The following CAV3 variants were observed in gnomAD, a reference collection of about 807,000 sequenced individuals.
The protein encoded by CAV3 is caveolin 3, also known as caveolin-3.
A neutral mutation model predicts 13.4 loss-of-function variants in CAV3; 10 were observed. That is an observed-to-expected ratio of 0.75 (90% CI 0.46 to 1.27). The LOEUF (loss-of-function observed/expected upper bound fraction) is 1.27, where lower values mean the gene tolerates loss of function less well. Ranked by LOEUF, CAV3 falls within the 50% of genes most tolerant of loss-of-function variation. The pLI, the probability that CAV3 is intolerant of heterozygous loss-of-function variation, is 0.00. For missense variants in CAV3, 162 were observed against 194.0 expected (o/e 0.83, Z 0.98); for synonymous variants, 90 against 79.0 (o/e 1.14, Z -0.74).
chr3:8,733,976 G>T lies in CAV3; in HGVS notation c.100G>T (p.Glu34Ter). ...LVNRDPKNIN[E>*]DIVKVDFEDV... is the part of the protein sequence containing the mutation. ...GAACCGAGACCCCAAGAACATTAAC[G>T]AGGACATAGTCAAGGTAGGCTCTGC... The change falls in exon 1 of 2, where the codon GAG (glutamate) becomes TAG (stop). Residue 34 changes from glutamate to a stop codon, truncating the protein, a stop_gained. Transcript: ENST00000343849. LOFTEE classifies it high-confidence loss of function. 1 of 1,601,952 alleles carries T rather than the reference G, an allele frequency of 6.2e-7. No homozygotes were observed. Among genetic ancestry groups the T allele is most frequent in the East Asian group, 2.2e-5 (1 of 44,784 alleles).
chr3:8,739,706 G>A (rs1707888983), intron 1 of CAV3, among the ~76,000 whole-genome samples: 1 of 151,946 alleles, frequency 6.6e-6, no homozygotes, highest in Non-Finnish European at 1.5e-5. Context: ...GACACCTGGA[G>A]CCCAGAGTTA....
chr3:8,741,951 C>T (rs562671677), intron 1 of CAV3, among the ~76,000 whole-genome samples: 1 of 152,296 alleles, frequency 6.6e-6, no homozygotes, highest in East Asian at 1.9e-4. Context: ...CCATCGTTCC[C>T]CCTTCCTCAC....
intron 1 of CAV3, among the ~76,000 whole-genome samples, chr3:8,744,585 C>G (rs1035132789): frequency 1.5e-4 from 23 of 151,214 alleles, no homozygotes; most frequent in African/African-American, 4.6e-4. Context: ...ACAGACAAGA[C>G]AGCTGAGGCT....
At chr3:8,743,999 G>A (rs1007479968) in intron 1 of CAV3, among the ~76,000 whole-genome samples, 5 of 152,058 alleles carry the variant, frequency 3.3e-5, no homozygotes, top group African/African-American at 1.2e-4. Context: ...GGCGGGAAAG[G>A]GACTAACTAA....
At chr3:8,735,135 G>A (rs1201962425) in intron 1 of CAV3, among the ~76,000 whole-genome samples, 1 of 152,128 alleles carries the variant, frequency 6.6e-6, no homozygotes, top group African/African-American at 2.4e-5. Context: ...TGAAAGCATT[G>A]GAATCTCAGG....
Position 8,737,973 on chromosome 3 carries a change from G to GCT in CAV3, c.114+3994_114+3995dup, listed in dbSNP as rs1254954720. ...CTTAGGGCCACCTCACTGACAGCATGCTCTCTCTCTCTGCTCTCTCTTCTC... is the reference window on the plus strand; with the variant it reads ...CTTAGGGCCACCTCACTGACAGCATGCTCTCTCTCTCTCTGCTCTCTCTTCTC... On this transcript the variant is annotated intron_variant, in intron 1 of 1. Coordinates refer to ENST00000343849, the MANE Select transcript of CAV3 (RefSeq NM_033337.3). Among the ~76,000 whole-genome samples the GCT allele has an allele frequency of 7.9e-5, 12 of 151,692 alleles. 1 individual carries two copies. Among genetic ancestry groups the GCT allele is most frequent in the East Asian group, 7.8e-4 (4 of 5,144 alleles).
intron 1 of CAV3, among the ~76,000 whole-genome samples, chr3:8,737,164 G>A (rs927042619): frequency 6.6e-6 from 1 of 152,170 alleles, no homozygotes; most frequent in African/African-American, 2.4e-5. Flanking sequence ...AGAGGAAGGT[G>A]CAGGAGGCCC....
intron 1 of CAV3, among the ~76,000 whole-genome samples, chr3:8,738,047 TCTCTCTCTC>T (rs1407801078): frequency 2.6e-5 from 4 of 151,276 alleles, no homozygotes; most frequent in Admixed American, 2.0e-4. Flanking sequence ...CTTCTCTCTC[TCTCTCTCTC>T]CTCTCTCTCT....
intron 1 of CAV3, among the ~76,000 whole-genome samples, chr3:8,737,887 A>G (rs1006271049): frequency 1.3e-5 from 2 of 152,092 alleles, no homozygotes. Context: ...TAGCCCCACT[A>G]CAGGTATACC....
In CAV3 at chr3:8,745,058, G is replaced by T. The variant is rs986696723; in HGVS notation, c.115-468G>T. The T allele has an allele frequency of 1.2e-5, 2 of 165,962 alleles. No individual in the cohort carries two copies. The highest frequency in any genetic ancestry group is 4.8e-5 in the African/African-American group (2 of 41,688). The allele number at this position is 165,962 out of a possible 1,614,324, so 10.3% of individuals were successfully genotyped here. A position where few individuals can be genotyped will look rare whatever the true frequency, so the allele number is the denominator to read the frequency against. ...ACATAATCTCCAATATTGGAGGTGG[G>T]GCCGGGTGGGAGGTGATCGGATCAC... On this transcript the variant is annotated intron_variant, in intron 1 of 1. Transcript: ENST00000343849. This position sits in a 1 kb window ranked among gnomAD's most constrained non-coding sequence, Gnocchi z 4.8.
chr3:8,741,991 G>A (rs1481742136), intron 1 of CAV3, among the ~76,000 whole-genome samples: 1 of 152,098 alleles, frequency 6.6e-6, no homozygotes, highest in African/African-American at 2.4e-5. Flanking sequence ...ACTGCACACA[G>A]TGTCCTGAGC....
At chr3:8,734,094 A>G (rs1446593548) in intron 1 of CAV3, 104 bp downstream of exon 1, 1 of 726,400 alleles carries the variant, frequency 1.4e-6, no homozygotes, top group East Asian at 2.7e-5. Flanking sequence ...TTCCCTGAAA[A>G]GAGACTTGTT....
chr3:8,737,750 C>G (rs936649885), intron 1 of CAV3, among the ~76,000 whole-genome samples: 4 of 152,272 alleles, frequency 2.6e-5, no homozygotes. Flanking sequence ...AGCAGGACAG[C>G]CTCACTGCAT....
At chr3:8,741,422 G>C (rs1483576453) in intron 1 of CAV3, among the ~76,000 whole-genome samples, 2 of 152,188 alleles carry the variant, frequency 1.3e-5, no homozygotes, top group African/African-American at 4.8e-5. Flanking sequence ...TAAGTAGCAA[G>C]GTAATAGGGG....
At position 8,745,448 on chromosome 3, in the gene CAV3, C is replaced by T; in HGVS notation, c.115-78C>T. 6.3e-6 allele frequency: 7 copies of T among 1,107,288 alleles called. No homozygotes were observed. The highest frequency in any genetic ancestry group is 9.6e-6 in the Non-Finnish European group (7 of 727,410). 68.6% of individuals were successfully genotyped at this position (1,107,288 alleles called of 1,614,324 possible). ...TAACCTGACCTCTAGGGGATTCTGA[C>T]ACATGCACGCACACACCCAAAAGCT... is the stretch of plus-strand genomic sequence containing the variant. On this transcript the variant is annotated intron_variant, in intron 1 of 1. Coordinates refer to ENST00000343849, the MANE Select transcript of CAV3 (RefSeq NM_033337.3). This position sits in a 1 kb window ranked among gnomAD's most constrained non-coding sequence, Gnocchi z 4.8.
Position 8,745,500 on chromosome 3 carries a change from G to C in CAV3, c.115-26G>C, listed in dbSNP as rs944557927. ...GAGAAGCGGGTGGCTTCTGTGAGTT[G>C]AGGCTTCCCCTTGCCACCCCTGCAG... On this transcript the variant is annotated intron_variant, in intron 1 of 1. Coordinates refer to ENST00000343849, the MANE Select transcript of CAV3 (RefSeq NM_033337.3). The surrounding 1 kb of genome is among the most constrained non-coding windows in gnomAD (Gnocchi z 4.8). 1 of 1,588,222 alleles carries C rather than the reference G, an allele frequency of 6.3e-7. No homozygotes were observed. The highest frequency in any genetic ancestry group is 8.6e-7 in the Non-Finnish European group (1 of 1,156,634).
chr3:8,733,880 A>G lies in CAV3; in HGVS notation c.4A>G (p.Met2Val), dbSNP rs1490110206. Residue 2 changes from methionine to valine, a missense_variant, in exon 1 of 2, where the codon ATG becomes GTG. Physicochemically the swap from Met to Val is conservative, Grantham distance 21. Transcript: ENST00000343849. ...TGTGGATCCCCCCAGCTCTGCGATG[A>G]TGGCAGAAGAGCACACAGATCTCGA... is the stretch of plus-strand genomic sequence containing the variant. M[M>V]AEEHTDLEAQ... The G allele has an allele frequency of 1.9e-6, 3 of 1,601,774 alleles. No individual in the cohort carries two copies. The highest frequency in any genetic ancestry group is 2.6e-6 in the Non-Finnish European group (3 of 1,168,872).
At chr3:8,743,631 C>G (rs954682767) in intron 1 of CAV3, among the ~76,000 whole-genome samples, 7 of 152,196 alleles carry the variant, frequency 4.6e-5, no homozygotes, top group Non-Finnish European at 1.0e-4. Context: ...AACTGTGCTG[C>G]CTGCTGACAC....
intron 1 of CAV3, among the ~76,000 whole-genome samples, chr3:8,740,610 C>A (rs1161231733): frequency 6.6e-5 from 10 of 152,300 alleles, no homozygotes; most frequent in African/African-American, 2.4e-4. Context: ...CTTCCCAGCT[C>A]CTTTACATAA....
Sources: gnomAD v4.1 joint callset for allele counts (sites outside exome capture counted in the v4.1 genomes callset) on GRCh38, gnomAD v4.1.1 for gene constraint, Gnocchi (gnomAD v3.1) non-coding constraint, MANE v1.5 for transcripts, NCBI Gene and HGNC (gene_info 2026-07-23, HGNC 2026-07-21) for gene names.